Variants in CTNNA3 observed in about 807,000 individuals in gnomAD.
CTNNA3 encodes catenin alpha 3.
Under a neutral mutation model 95.7 loss-of-function variants are expected in CTNNA3, and 76 were observed. The observed-to-expected ratio is 0.79, with a 90% CI of 0.66 to 0.96. CTNNA3 has a LOEUF of 0.96. Ranked by LOEUF, CTNNA3 falls within the 40% of genes least tolerant of loss-of-function variation. The pLI is 0.00. For missense variants in CTNNA3, 1,191 were observed against 1,089.8 expected, an observed-to-expected ratio of 1.09 and a Z score of -1.31; for synonymous variants, 431 against 374.4, an observed-to-expected ratio of 1.15 and a Z score of -1.74.
intron 11 of CTNNA3, among the ~76,000 whole-genome samples, chr10:66,482,550 TATA>T (rs112396272): frequency 0.046 from 7,023 of 152,158 alleles, 531 homozygotes; most frequent in African/African-American, 0.16. Context: ...ACCAATATAT[TATA>T]ATAATAATAT....
chr10:66,127,918 T>C (rs1310678736), intron 13 of CTNNA3, among the ~76,000 whole-genome samples: 2 of 151,940 alleles, frequency 1.3e-5, no homozygotes. Context: ...CTAATAAAAA[T>C]ACAATTAGCT....
chr10:66,340,451 C>T (rs1046854657), intron 12 of CTNNA3, among the ~76,000 whole-genome samples: 7 of 151,630 alleles, frequency 4.6e-5, no homozygotes, highest in Admixed American at 1.3e-4. Flanking sequence ...GTTTGTTTTA[C>T]GTACTCCACT....
At chr10:67,133,091 A>G (rs940002574) in intron 7 of CTNNA3, among the ~76,000 whole-genome samples, 2 of 151,772 alleles carry the variant, frequency 1.3e-5, no homozygotes, top group African/African-American at 2.4e-5. Flanking sequence ...ACCAACACAT[A>G]AAAATGATAA....
At chr10:66,689,246 A>T (rs967139166) in intron 9 of CTNNA3, among the ~76,000 whole-genome samples, 1 of 152,008 alleles carries the variant, frequency 6.6e-6, no homozygotes, top group Non-Finnish European at 1.5e-5. Flanking sequence ...TGGTATAAAA[A>T]TTTTTTTTGA....
At chr10:67,452,392 C>T (rs1342674538) in intron 5 of CTNNA3, among the ~76,000 whole-genome samples, 4 of 152,104 alleles carry the variant, frequency 2.6e-5, no homozygotes, top group Non-Finnish European at 5.9e-5. Context: ...GTTTATCTTA[C>T]TACAAAAGAA....
chr10:67,607,671 T>C (rs536222256), intron 2 of CTNNA3, among the ~76,000 whole-genome samples: 1 of 152,280 alleles, frequency 6.6e-6, no homozygotes, highest in Admixed American at 6.5e-5. Context: ...CATGACTCAT[T>C]TCCAGTGCTG....
chr10:67,758,163 CG>C (rs1841443591), intron 1 of CTNNA3, among the ~76,000 whole-genome samples: 1 of 152,052 alleles, frequency 6.6e-6, no homozygotes, highest in Non-Finnish European at 1.5e-5. Context: ...CTTTCAGACC[CG>C]AACTGAACTA....
intron 10 of CTNNA3, among the ~76,000 whole-genome samples, chr10:66,567,013 T>G (rs1426066915): frequency 7.3e-3 from 57 of 7,756 alleles, no homozygotes; most frequent in South Asian, 0.02. Flanking sequence ...AGAGAGGAAG[T>G]GGGAGAAAAG....
At chr10:67,538,468 G>A (rs559078576) in intron 4 of CTNNA3, among the ~76,000 whole-genome samples, 7 of 151,444 alleles carry the variant, frequency 4.6e-5, no homozygotes, top group South Asian at 2.1e-4. Context: ...CTGTAATCCC[G>A]CTATTCAGGA....
chr10:66,900,024 G>A (rs1019251661), intron 7 of CTNNA3, among the ~76,000 whole-genome samples: 7 of 152,152 alleles, frequency 4.6e-5, no homozygotes, highest in Admixed American at 3.9e-4. Context: ...TTTGAGCTCT[G>A]AGAACAAACA....
rs992961788 is a variant in CTNNA3, at chr10:66,600,147, G to C, written c.1374+21545C>G. 6.3e-5 allele frequency among the ~76,000 whole-genome samples: 9 copies of C among 143,968 alleles called. No homozygotes were observed. In the South Asian group the frequency reaches 2.1e-3, roughly 33 times the overall value. 94.4% of individuals were successfully genotyped at this position (143,968 alleles called of 152,430 possible). A position where few individuals can be genotyped will look rare whatever the true frequency, so the allele number is the denominator to read the frequency against. ...CTCACCTATAATAACAACCTAAAGA[G>C]GAACACATTAAGTTATATAATTTAT... is the stretch of plus-strand genomic sequence containing the variant. On this transcript the variant is annotated intron_variant, in intron 10 of 17. Coordinates refer to ENST00000433211, the MANE Select transcript of CTNNA3 (RefSeq NM_013266.4).
chr10:67,317,613 G>A (rs1352457667), intron 5 of CTNNA3, among the ~76,000 whole-genome samples: 2 of 152,058 alleles, frequency 1.3e-5, no homozygotes, highest in African/African-American at 4.8e-5. Context: ...TTTTAGTAGA[G>A]ACAGGGTTTC....
intron 5 of CTNNA3, among the ~76,000 whole-genome samples, chr10:67,264,908 C>T (rs1262709840): frequency 6.6e-6 from 1 of 152,116 alleles, no homozygotes; most frequent in Non-Finnish European, 1.5e-5. Flanking sequence ...CGAGAAAAGA[C>T]TATGAAAAAT....
intron 7 of CTNNA3, among the ~76,000 whole-genome samples, chr10:66,813,597 G>A (rs889113278): frequency 6.6e-6 from 1 of 152,046 alleles, no homozygotes; most frequent in Non-Finnish European, 1.5e-5. Flanking sequence ...GAAATTACTG[G>A]TCATTCGTTA....
intron 5 of CTNNA3, among the ~76,000 whole-genome samples, chr10:67,513,904 G>A (rs955382772): frequency 2.6e-5 from 4 of 152,152 alleles, no homozygotes; most frequent in African/African-American, 7.2e-5. Flanking sequence ...AGAACCAAAG[G>A]TTGTGAGAAT....
intron 5 of CTNNA3, among the ~76,000 whole-genome samples, chr10:67,221,675 T>C (rs1390210894): frequency 6.6e-6 from 1 of 152,114 alleles, no homozygotes; most frequent in Non-Finnish European, 1.5e-5. Context: ...CCTGGGTTTA[T>C]GCAGTTCTCC....
At chr10:66,844,066 G>A (rs1843165119) in intron 7 of CTNNA3, among the ~76,000 whole-genome samples, 1 of 152,194 alleles carries the variant, frequency 6.6e-6, no homozygotes, top group Admixed American at 6.5e-5. Context: ...AGCTTGTATA[G>A]CTGGCTAGTA....
chr10:67,102,275 A>G (rs966574452), intron 7 of CTNNA3, among the ~76,000 whole-genome samples: 7 of 151,820 alleles, frequency 4.6e-5, no homozygotes, highest in African/African-American at 1.7e-4. Context: ...GTACCTGGAC[A>G]ATCAACAATT....
At chr10:66,516,042 T>A (rs2132007687) in intron 11 of CTNNA3, among the ~76,000 whole-genome samples, 1 of 134,012 alleles carries the variant, frequency 7.5e-6, no homozygotes, top group Non-Finnish European at 1.5e-5. Flanking sequence ...TCACAGCTAT[T>A]CAAACTATGA....
Sources: allele counts gnomAD v4.1 joint callset (sites outside exome capture counted in the v4.1 genomes callset), GRCh38; gene constraint gnomAD v4.1.1; transcripts MANE v1.5; gene names NCBI Gene and HGNC (gene_info 2026-07-23, HGNC 2026-07-21).